The following DCBLD1 variants were observed in gnomAD, a reference collection of about 807,000 sequenced individuals.
The protein encoded by DCBLD1 is discoidin, CUB and LCCL domain containing 1.
DCBLD1 carries 57 observed loss-of-function variants against 71.5 expected under a neutral mutation model. That is an observed-to-expected ratio of 0.80 (90% CI 0.64 to 0.99). The LOEUF (loss-of-function observed/expected upper bound fraction) is 0.99. Ranked by LOEUF, DCBLD1 falls within the 50% of genes least tolerant of loss-of-function variation. The pLI is 0.00. For missense variants in DCBLD1, 891 were observed against 923.5 expected, an observed-to-expected ratio of 0.96 and a Z score of 0.46; for synonymous variants, 380 against 363.8, an observed-to-expected ratio of 1.04 and a Z score of -0.51.
intron 4 of DCBLD1, among the ~76,000 whole-genome samples, chr6:117,523,657 G>T (rs1056151680): frequency 1.3e-5 from 2 of 151,962 alleles, no homozygotes; most frequent in African/African-American, 2.4e-5. Context: ...TCTTAATTCC[G>T]CGAGTACTGC....
chr6:117,547,841 C>T (rs946413110), intron 14 of DCBLD1, 66 bp from the exon 15 acceptor site: 19 of 1,549,070 alleles, frequency 1.2e-5, no homozygotes, highest in African/African-American at 2.7e-5. Flanking sequence ...AGAGTATCCC[C>T]GTCTGCCACT....
rs200681245 is a variant in DCBLD1 at position 117,541,401 on chromosome 6, ACTAT to A, written c.1357+380_1357+383del. 1.6e-4 allele frequency among the ~76,000 whole-genome samples: 25 copies of A among 152,288 alleles called. No individual in the cohort carries two copies. The East Asian group carries it at 4.4e-3, about 27-fold the overall frequency. Reference sequence around the variant, plus strand: ...TTAAAAAAAATAAGCAAAATATAGAACTATCTAAGTAGCACGCCACCCTTTCTGC... The same window carrying A: ...TTAAAAAAAATAAGCAAAATATAGAACTAAGTAGCACGCCACCCTTTCTGC... On this transcript the variant is annotated intron_variant, in intron 11 of 14. Transcript: ENST00000338728.
In DCBLD1 at chr6:117,537,450, C is replaced by T. The variant is rs566496319; in HGVS notation, c.760+225C>T. Among the ~76,000 whole-genome samples, 440 of 151,186 alleles carry T rather than the reference C, an allele frequency of 2.9e-3. 1 individual carries two copies. Among genetic ancestry groups the T allele is most frequent in the African/African-American group, 9.8e-3 (402 of 41,130 alleles). On this transcript the variant is annotated intron_variant, in intron 7 of 14. Transcript: ENST00000338728. The stretch of plus-strand genomic sequence containing the variant: ...TCGGGAGGCTGAGGCAGGAGAATGG[C>T]GTGAACCCGGGAGGCGGAGCTTGCA...
intron 2 of DCBLD1, among the ~76,000 whole-genome samples, chr6:117,506,494 C>T (rs1777848105): frequency 6.6e-6 from 1 of 152,186 alleles, no homozygotes; most frequent in Non-Finnish European, 1.5e-5. Flanking sequence ...TGTAGTGATG[C>T]TCAGAATTTG....
At chr6:117,567,872 T>G (rs1779729733) in intron 14 of DCBLD1, among the ~76,000 whole-genome samples, 1 of 151,972 alleles carries the variant, frequency 6.6e-6, no homozygotes, top group Non-Finnish European at 1.5e-5. Flanking sequence ...CTGTCATTCT[T>G]TAACAATGAA....
intron 1 of DCBLD1, among the ~76,000 whole-genome samples, chr6:117,484,090 G>A (rs1222913889): frequency 6.6e-6 from 1 of 152,154 alleles, no homozygotes; most frequent in Non-Finnish European, 1.5e-5. Context: ...TGTTAAATGC[G>A]TAGGACTTTT....
intron 1 of DCBLD1, among the ~76,000 whole-genome samples, chr6:117,485,787 GC>G (rs1418702346): frequency 6.6e-6 from 1 of 152,170 alleles, no homozygotes; most frequent in African/African-American, 2.4e-5. Context: ...TACATCTGCT[GC>G]TTCTACTAAT....
rs1458477105 is a variant in DCBLD1, at chr6:117,543,118, C to T, written c.1358-6C>T. 1 of 1,613,178 alleles carries T rather than the reference C, an allele frequency of 6.2e-7. No individual in the cohort carries two copies. Among genetic ancestry groups the T allele is most frequent in the African/African-American group, 1.3e-5 (1 of 74,882 alleles). On this transcript the variant is annotated splice_polypyrimidine_tract_variant and splice_region_variant and intron_variant, in intron 11 of 14. Transcript: ENST00000338728. ...TTGTAACGTGATGGCTTTCCGTCTT[C>T]TTTAGGAATAAACATTACAACGGTG... is the stretch of plus-strand genomic sequence containing the variant.
At chr6:117,502,820 C>T (rs139845567) in intron 1 of DCBLD1, among the ~76,000 whole-genome samples, 444 of 152,134 alleles carry the variant, frequency 2.9e-3, no homozygotes, top group African/African-American at 0.011. Context: ...TGCAGCCCAC[C>T]CAGTTGTGCA....
intron 1 of DCBLD1, among the ~76,000 whole-genome samples, chr6:117,487,784 C>A (rs1213287857): frequency 6.6e-6 from 1 of 151,648 alleles, no homozygotes; most frequent in African/African-American, 2.4e-5. Flanking sequence ...GGGAAAAATA[C>A]AGCCAGAATT....
chr6:117,516,082 G>A (rs551262858), intron 2 of DCBLD1, among the ~76,000 whole-genome samples: 6 of 152,054 alleles, frequency 3.9e-5, no homozygotes, highest in African/African-American at 1.4e-4. Flanking sequence ...GGTCGGGCGC[G>A]GTGGCTCACA....
intron 14 of DCBLD1, among the ~76,000 whole-genome samples, chr6:117,558,519 G>T (rs1465392744): frequency 2.0e-5 from 3 of 152,106 alleles, no homozygotes; most frequent in African/African-American, 7.2e-5. Flanking sequence ...AAGTTGAGTG[G>T]TTTGCTAGGA....
chr6:117,532,127 AG>A (rs2114523247), intron 5 of DCBLD1, 132 bp from the exon 6 acceptor site: 2 of 1,314,104 alleles, frequency 1.5e-6, no homozygotes, highest in Non-Finnish European at 2.0e-6. Context: ...TGACAACTCC[AG>A]GGCATGGCCA....
chr6:117,487,517 G>A (rs1225496845), intron 1 of DCBLD1, among the ~76,000 whole-genome samples: 4 of 152,054 alleles, frequency 2.6e-5, no homozygotes, highest in Admixed American at 6.6e-5. Flanking sequence ...TCGGCTACTC[G>A]GGATGCTGAG....
chr6:117,519,506 C>G lies in DCBLD1; in HGVS notation c.326-310C>G, dbSNP rs186160759. ...AATAACATTTTTGTAATAAAATTTT[C>G]TTTACTACCTAATGTGTTTGACCTT... On this transcript the variant is annotated intron_variant, in intron 2 of 14. Coordinates refer to ENST00000338728, the MANE Select transcript of DCBLD1 (RefSeq NM_001366458.2). 1.0e-3 allele frequency among the ~76,000 whole-genome samples: 157 copies of G among 152,230 alleles called. 1 individual carries two copies. Among genetic ancestry groups the G allele is most frequent in the African/African-American group, 3.5e-3 (144 of 41,540 alleles).
At chr6:117,565,092 T>A (rs1196601221) in intron 14 of DCBLD1, among the ~76,000 whole-genome samples, 1 of 152,210 alleles carries the variant, frequency 6.6e-6, no homozygotes, top group Non-Finnish European at 1.5e-5. Context: ...AATTCATTTC[T>A]TTGTTAAAAA....
chr6:117,491,323 C>T (rs978833248), intron 1 of DCBLD1, among the ~76,000 whole-genome samples: 8 of 152,050 alleles, frequency 5.3e-5, no homozygotes, highest in African/African-American at 1.7e-4. Context: ...CAAGGTTTGC[C>T]CCCATTCCGC....
In DCBLD1 at chr6:117,549,612, G is replaced by A. The variant is rs758393942; in HGVS notation, c.*1173G>A. 60 of 985,174 alleles carry A rather than the reference G, an allele frequency of 6.1e-5. No individual in the cohort carries two copies. Among genetic ancestry groups the A allele is most frequent in the Non-Finnish European group, 7.2e-5 (60 of 829,902 alleles). 61.0% of individuals were successfully genotyped at this position (985,174 alleles called of 1,614,324 possible). On this transcript the variant is annotated 3_prime_UTR_variant, in exon 15 of 15. Coordinates refer to ENST00000338728, the MANE Select transcript of DCBLD1 (RefSeq NM_001366458.2). ...TGGACCAAAAATTTTTTTCCCTGAAGAATGTATTATAACCCTATTTGTGTG... is the reference window on the plus strand; with the variant it reads ...TGGACCAAAAATTTTTTTCCCTGAAAAATGTATTATAACCCTATTTGTGTG...
In DCBLD1 at chr6:117,525,343, T is replaced by C; in HGVS notation, c.513-19T>C. 6.9e-7 allele frequency: 1 copy of C among 1,449,458 alleles called. No homozygotes were observed. Among genetic ancestry groups the C allele is most frequent in the Non-Finnish European group, 9.1e-7 (1 of 1,102,130 alleles). The allele number at this position is 1,449,458 out of a possible 1,614,324, so 89.8% of individuals were successfully genotyped here. On this transcript the variant is annotated intron_variant, in intron 4 of 14. Coordinates refer to ENST00000338728, the MANE Select transcript of DCBLD1 (RefSeq NM_001366458.2). ...GTGTAATTTAATAAAATATAAATTATTTATTTTTCTTTTTCCAGCAAATTC... is the reference window on the plus strand; with the variant it reads ...GTGTAATTTAATAAAATATAAATTACTTATTTTTCTTTTTCCAGCAAATTC...
Sources: gnomAD v4.1 joint callset for allele counts (sites outside exome capture counted in the v4.1 genomes callset) on GRCh38, gnomAD v4.1.1 for gene constraint, MANE v1.5 for transcripts, NCBI Gene and HGNC (gene_info 2026-07-23, HGNC 2026-07-21) for gene names.